The following SLCO1B1 variants were observed in gnomAD, a reference collection of about 807,000 sequenced individuals.
SLCO1B1 encodes OATP-2.
A neutral mutation model predicts 70.1 loss-of-function variants in SLCO1B1; 81 were observed. The ratio of observed to expected loss-of-function variants is 1.16; its 90% confidence interval spans 0.97 to 1.39. The LOEUF (loss-of-function observed/expected upper bound fraction) is 1.39. SLCO1B1 is among the 40% of genes most tolerant of loss of function. SLCO1B1 has a pLI of 0.00. For synonymous variants in SLCO1B1, 283 were observed against 271.5 expected, an observed-to-expected ratio of 1.04 and a Z score of -0.42; for missense variants, 895 against 799.6, an observed-to-expected ratio of 1.12 and a Z score of -1.44.
chr12:21,169,554 A>C (rs1940732703), intron 2 of SLCO1B1, among the ~76,000 whole-genome samples: 1 of 152,008 alleles, frequency 6.6e-6, no homozygotes, highest in Admixed American at 6.6e-5. Flanking sequence ...TCAACTCCAG[A>C]ATTTCTGTTT....
intron 7 of SLCO1B1, among the ~76,000 whole-genome samples, chr12:21,184,154 A>C (rs1033956244): frequency 6.6e-6 from 1 of 152,164 alleles, no homozygotes; most frequent in Non-Finnish European, 1.5e-5. Flanking sequence ...AAAAAGAGAG[A>C]GTAAACAACT....
chr12:21,175,230 T>C (rs764315731), intron 4 of SLCO1B1, among the ~76,000 whole-genome samples: 41 of 152,284 alleles, frequency 2.7e-4, no homozygotes, highest in Non-Finnish European at 4.4e-4. Context: ...CTTTCCATCA[T>C]AGTGCTATGC....
intron 1 of SLCO1B1, among the ~76,000 whole-genome samples, chr12:21,141,201 AGAT>A (rs1314196860): frequency 1.3e-5 from 2 of 151,998 alleles, no homozygotes; most frequent in Non-Finnish European, 2.9e-5. Flanking sequence ...TGTGTAGAAA[AGAT>A]AATAATTTAA....
Position 21,205,980 on chromosome 12 carries a change from A to T in SLCO1B1, c.1444A>T (p.Ile482Phe). 1.9e-6 allele frequency: 3 copies of T among 1,612,272 alleles called. No homozygotes were observed. The highest frequency in any genetic ancestry group is 2.5e-6 in the Non-Finnish European group (3 of 1,178,700). Reference sequence around the variant, plus strand: ...CTGTGGAAACAATGGAATAACTTACATCTCACCCTGTCTAGCAGGTTGCAA... The same window carrying T: ...CTGTGGAAACAATGGAATAACTTACTTCTCACCCTGTCTAGCAGGTTGCAA... ...PVCGNNGITY[I>F]SPCLAGCKSS... Residue 482 changes from isoleucine (I) to phenylalanine (F), a missense_variant, in exon 11 of 15, where the codon ATC becomes TTC. Transcript: ENST00000256958.
At position 21,196,890 on chromosome 12, in the gene SLCO1B1, G is replaced by C. The variant is rs374681181; in HGVS notation, c.728-56G>C. The C allele has an allele frequency of 1.0e-5, 16 of 1,539,746 alleles. No individual in the cohort carries two copies. In the East Asian group the frequency reaches 2.2e-4, roughly 22 times the overall value. ...ACTTTCTTCATACCATTATTTCCCT[G>C]AACCTATTGTATTTCAAAATGATTT... On this transcript the variant is annotated intron_variant, in intron 7 of 14. Transcript: ENST00000256958.
chr12:21,194,500 T>C (rs77541141), intron 7 of SLCO1B1, among the ~76,000 whole-genome samples: 1 of 152,152 alleles, frequency 6.6e-6, no homozygotes, highest in African/African-American at 2.4e-5. Context: ...TCCCAATAAC[T>C]GTCATTTCTA....
At chr12:21,154,949 C>G (rs898846883) in intron 2 of SLCO1B1, among the ~76,000 whole-genome samples, 7 of 151,882 alleles carry the variant, frequency 4.6e-5, no homozygotes, top group African/African-American at 1.7e-4. Context: ...CCCACTTTTG[C>G]TGTTAGAAAG....
chr12:21,190,419 A>C (rs1941016643), intron 7 of SLCO1B1, among the ~76,000 whole-genome samples: 1 of 152,056 alleles, frequency 6.6e-6, no homozygotes, highest in Non-Finnish European at 1.5e-5. Context: ...TACTCCTTTC[A>C]TCTGTTGGTA....
chr12:21,137,759 G>A (rs1940247261), intron 1 of SLCO1B1, among the ~76,000 whole-genome samples: 1 of 152,222 alleles, frequency 6.6e-6, no homozygotes, highest in Admixed American at 6.5e-5. Context: ...GACTAGGAAA[G>A]GGAATTCCCT....
intron 2 of SLCO1B1, among the ~76,000 whole-genome samples, chr12:21,143,911 T>C (rs1252854499): frequency 6.6e-6 from 1 of 152,030 alleles, no homozygotes; most frequent in Non-Finnish European, 1.5e-5. Flanking sequence ...ATATACATGT[T>C]GTTACTGACT....
intron 11 of SLCO1B1, among the ~76,000 whole-genome samples, chr12:21,211,167 T>G (rs1941279361): frequency 6.6e-6 from 1 of 152,224 alleles, no homozygotes; most frequent in East Asian, 1.9e-4. Flanking sequence ...TTCCAGTTTT[T>G]GCCCATTCAG....
At chr12:21,141,722 G>A in intron 2 of SLCO1B1, 64 bp downstream of exon 2, 1 of 975,944 alleles carries the variant, frequency 1.0e-6, no homozygotes, top group Non-Finnish European at 1.6e-6. Context: ...GTATAGAAAA[G>A]CAAGTTGTTA....
At position 21,212,674 on chromosome 12, in the gene SLCO1B1, TC is replaced by T. The variant is rs1213726604; in HGVS notation, c.1498-4442del. ...ATGTTGACAGTGGGGTGTTAAAGTC[TC>T]CCATTATTAATGTGTGGGAGTCTAA... On this transcript the variant is annotated intron_variant, in intron 11 of 14. Transcript: ENST00000256958. Among the ~76,000 whole-genome samples the T allele has an allele frequency of 5.4e-3, 480 of 89,578 alleles. 2 individuals carry two copies. Among genetic ancestry groups the T allele is most frequent in the South Asian group, 8.9e-3 (17 of 1,904 alleles). The allele number at this position is 89,578 out of a possible 152,430, so 58.8% of individuals were successfully genotyped here.
chr12:21,229,978 A>G (rs1019930201), intron 14 of SLCO1B1, among the ~76,000 whole-genome samples: 4 of 152,164 alleles, frequency 2.6e-5, no homozygotes, highest in Non-Finnish European at 5.9e-5. Context: ...CTCACTATTA[A>G]GTATGAAGTT....
rs1416355942 is a variant in SLCO1B1 at position 21,178,576 on chromosome 12, G to A, written c.482G>A (p.Gly161Asp). Residue 161 changes from glycine (G) to aspartate (D), a missense_variant and splice_region_variant, in exon 6 of 15, where the codon GGT (glycine) becomes GAT (aspartate). By Grantham distance (94) the Gly-to-Asp change is moderately conservative. Transcript: ENST00000256958. ...ATGAAACACTCTCTTATCTACATAG[G>A]TTGTTTAAAGGAATCTGGGTCATAC... The part of the protein sequence containing the change: ...NRASPEIVGK[G>D]CLKESGSYMW... 7 of 1,600,042 alleles carry A rather than the reference G, an allele frequency of 4.4e-6. No individual in the cohort carries two copies. The highest frequency in any genetic ancestry group is 1.3e-5 in the African/African-American group (1 of 74,636).
chr12:21,144,746 T>C (rs1940358476), intron 2 of SLCO1B1, among the ~76,000 whole-genome samples: 1 of 152,130 alleles, frequency 6.6e-6, no homozygotes, highest in South Asian at 2.1e-4. Context: ...CTAGAAGAGA[T>C]TGGGGACCTA....
At chr12:21,219,141 G>C (rs943399612) in intron 12 of SLCO1B1, among the ~76,000 whole-genome samples, 1 of 152,134 alleles carries the variant, frequency 6.6e-6, no homozygotes, top group African/African-American at 2.4e-5. Context: ...ACAAATAAGT[G>C]AGTAAACATC....
chr12:21,154,024 T>G (rs541965348), intron 2 of SLCO1B1, among the ~76,000 whole-genome samples: 2 of 151,986 alleles, frequency 1.3e-5, no homozygotes, highest in East Asian at 3.8e-4. Flanking sequence ...TCTACACTTA[T>G]GTTTATTGTA....
At chr12:21,139,620 G>C (rs1475956140) in intron 1 of SLCO1B1, among the ~76,000 whole-genome samples, 1 of 152,058 alleles carries the variant, frequency 6.6e-6, no homozygotes, top group Non-Finnish European at 1.5e-5. Context: ...ATTATTCACA[G>C]ATTCTATATA....
Sources: gnomAD v4.1 joint callset for allele counts (sites outside exome capture counted in the v4.1 genomes callset) on GRCh38, gnomAD v4.1.1 for gene constraint, MANE v1.5 for transcripts, NCBI Gene and HGNC (gene_info 2026-07-23, HGNC 2026-07-21) for gene names.